ADCY9: variants seen among roughly 807,000 people sequenced by gnomAD.
The protein encoded by ADCY9 is adenylate cyclase type 9.
A neutral mutation model predicts 101.5 loss-of-function variants in ADCY9; 50 were observed. That is an observed-to-expected ratio of 0.49 (90% confidence interval 0.39 to 0.62). ADCY9 has a LOEUF of 0.62. Among genes scored for constraint, ADCY9 ranks in the 20% least tolerant of loss-of-function variants. ADCY9 has a pLI of 0.00. For synonymous variants in ADCY9, 905 were observed against 769.3 expected, an observed-to-expected ratio of 1.18 and a Z score of -2.92; for missense variants, 1,662 against 1,800.4, an observed-to-expected ratio of 0.92 and a Z score of 1.39.
intron 2 of ADCY9, among the ~76,000 whole-genome samples, chr16:4,063,043 A>G (rs1204710405): frequency 6.6e-6 from 1 of 152,222 alleles, no homozygotes; most frequent in Non-Finnish European, 1.5e-5. Context: ...CAAATAGAAT[A>G]TATATTCTTT....
At chr16:4,113,229 G>A (rs1010768800) in intron 2 of ADCY9, among the ~76,000 whole-genome samples, 7 of 151,804 alleles carry the variant, frequency 4.6e-5, no homozygotes, top group South Asian at 2.1e-4. Flanking sequence ...AAGTAACTCC[G>A]TCTAATTCTC....
At chr16:3,986,644 G>A (rs901282953) in intron 6 of ADCY9, among the ~76,000 whole-genome samples, 8 of 152,180 alleles carry the variant, frequency 5.3e-5, no homozygotes, top group African/African-American at 1.4e-4. Flanking sequence ...TTTTAGTAGA[G>A]ACGGGGTTTC....
intron 6 of ADCY9, among the ~76,000 whole-genome samples, chr16:3,985,899 T>C (rs1260880527): frequency 2.6e-5 from 4 of 151,936 alleles, no homozygotes; most frequent in Non-Finnish European, 4.4e-5. Flanking sequence ...CCCCTGTGCA[T>C]CCCGGGAGTG....
rs530420293 is a variant in ADCY9, at chr16:4,071,332, CAAAAAAAAAAAAAAA to C, written c.1693+42403_1693+42417del. Reference sequence around the variant, plus strand: ...GGCAACAAAAGCGAAACTCAGTCTCCAAAAAAAAAAAAAAAAAAAAAAAAAAAAAAAATCAAAAAA... The same window carrying C: ...GGCAACAAAAGCGAAACTCAGTCTCCAAAAAAAAAAAAAAAAATCAAAAAA... On this transcript the variant is annotated intron_variant, in intron 2 of 10. Coordinates refer to ENST00000294016, the MANE Select transcript of ADCY9 (RefSeq NM_001116.4). Among the ~76,000 whole-genome samples the C allele has an allele frequency of 4.3e-4, 30 of 70,536 alleles. No individual in the cohort carries two copies. The East Asian group carries it at 0.01, about 25-fold the overall frequency. 46.3% of individuals were successfully genotyped at this position (70,536 alleles called of 152,430 possible). A position where few individuals can be genotyped will look rare whatever the true frequency, so the allele number is the denominator to read the frequency against.
intron 10 of ADCY9, among the ~76,000 whole-genome samples, chr16:3,971,491 A>C (rs2056051539): frequency 6.6e-6 from 1 of 152,202 alleles, no homozygotes; most frequent in African/African-American, 2.4e-5. Context: ...CCTGTGCTTC[A>C]CTGACTCATT....
Position 4,115,012 on chromosome 16 carries a change from A to C in ADCY9, c.431T>G (p.Val144Gly), listed in dbSNP as rs760401817. The C allele has an allele frequency of 3.0e-5, 49 of 1,613,996 alleles. No individual in the cohort carries two copies. The highest frequency in any genetic ancestry group is 4.0e-5 in the Non-Finnish European group (47 of 1,180,042). Reference sequence around the variant, plus strand: ...GAAGCACAGCGCGGGGGCGACCATGACGATCAGTCTGGATCTCATGTGGAC... The same window carrying C: ...GAAGCACAGCGCGGGGGCGACCATGCCGATCAGTCTGGATCTCATGTGGAC... ...FAVHMRSRLI[V>G]MVAPALCFLL... Residue 144 changes from valine (V) to glycine (G), a missense_variant, in exon 2 of 11, where the codon GTC (valine) becomes GGC (glycine). By Grantham distance (109) the Val-to-Gly change is moderately radical. This residue lies in a region of ADCY9 where 422 missense variants were observed against 392.0 expected (regional missense o/e 1.08). Coordinates refer to ENST00000294016, the MANE Select transcript of ADCY9 (RefSeq NM_001116.4). The surrounding 1 kb of genome is among the most constrained non-coding windows in gnomAD (Gnocchi z 6.2).
At chr16:4,033,333 A>G (rs1463936258) in intron 2 of ADCY9, among the ~76,000 whole-genome samples, 1 of 152,166 alleles carries the variant, frequency 6.6e-6, no homozygotes, top group Non-Finnish European at 1.5e-5. Context: ...TTCACGTAAT[A>G]CTGCAGAACT....
chr16:4,004,380 A>G (rs1217581502), intron 3 of ADCY9, among the ~76,000 whole-genome samples: 1 of 152,006 alleles, frequency 6.6e-6, no homozygotes, highest in Non-Finnish European at 1.5e-5. Context: ...GTTACAGTAC[A>G]CAGGTTATGT....
intron 2 of ADCY9, among the ~76,000 whole-genome samples, chr16:4,107,563 A>C (rs1298165138): frequency 2.3e-5 from 2 of 87,062 alleles, no homozygotes; most frequent in Non-Finnish European, 5.8e-5. Flanking sequence ...AAAAAAAAAA[A>C]AAAAAAAAAA....
Position 3,965,798 on chromosome 16 carries a change from G to A in ADCY9, c.4039C>T (p.Leu1347Phe), listed in dbSNP as rs1214106113. Residue 1347 changes from leucine to phenylalanine, a missense_variant, in exon 11 of 11, where the codon CTC becomes TTC. By Grantham distance (22) the Leu-to-Phe change is conservative (BLOSUM62 0). Coordinates refer to ENST00000294016, the MANE Select transcript of ADCY9 (RefSeq NM_001116.4). ...GIEEANELTK[L>F]NVSKSV ...CCTCACACACTCTTTGAAACGTTGA[G>A]CTTGGTGAGTTCGTTGGCTTCTTCT... 1.1e-5 allele frequency: 17 copies of A among 1,613,582 alleles called. No individual in the cohort carries two copies. Among genetic ancestry groups the A allele is most frequent in the African/African-American group, 1.3e-5 (1 of 74,832 alleles).
At chr16:3,954,607 G>T (rs959984679) in intron 5 of ADCY9, among the ~76,000 whole-genome samples, 2 of 152,180 alleles carry the variant, frequency 1.3e-5, no homozygotes, top group African/African-American at 4.8e-5. Flanking sequence ...GTCAGAAACG[G>T]AACACGAGGT....
chr16:4,106,495 C>T (rs966401226), intron 2 of ADCY9, among the ~76,000 whole-genome samples: 1 of 152,188 alleles, frequency 6.6e-6, no homozygotes, highest in East Asian at 1.9e-4. Flanking sequence ...TCCAGGGATG[C>T]TAGTTCCTGT....
rs1239757156 is a variant in ADCY9, at chr16:3,964,333, G to A, written c.*1442C>T. 6.6e-6 allele frequency: 1 copy of A among 152,250 alleles called. No individual in the cohort carries two copies. The highest frequency in any genetic ancestry group is 2.4e-5 in the African/African-American group (1 of 41,426). 9.4% of individuals were successfully genotyped at this position (152,250 alleles called of 1,614,324 possible). A position where few individuals can be genotyped will look rare whatever the true frequency, so the allele number is the denominator to read the frequency against. On this transcript the variant is annotated 3_prime_UTR_variant, in exon 11 of 11. Coordinates refer to ENST00000294016, the MANE Select transcript of ADCY9 (RefSeq NM_001116.4). The stretch of plus-strand genomic sequence containing the variant: ...TCCACACAAACTTCAGACTCAATAT[G>A]GCAAAACATAATCAGACAGGACCAG...
intron 2 of ADCY9, among the ~76,000 whole-genome samples, chr16:4,030,878 G>C (rs2056550795): frequency 6.6e-6 from 1 of 152,100 alleles, no homozygotes. Flanking sequence ...TCTGGGTGCT[G>C]GTTTAGTGGA....
chr16:4,095,079 T>G (rs1319441328), intron 2 of ADCY9, among the ~76,000 whole-genome samples: 1 of 150,736 alleles, frequency 6.6e-6, no homozygotes, highest in East Asian at 2.0e-4. Context: ...CTCAGCTCAC[T>G]GCAACCTCTA....
chr16:3,986,451 T>G (rs905139286), intron 6 of ADCY9, among the ~76,000 whole-genome samples: 2 of 151,900 alleles, frequency 1.3e-5, no homozygotes, highest in South Asian at 2.1e-4. Context: ...TACATGTTTG[T>G]TTTTTTTCTT....
chr16:3,978,201 A>G (rs1294135385), intron 8 of ADCY9, among the ~76,000 whole-genome samples: 1 of 152,172 alleles, frequency 6.6e-6, no homozygotes, highest in Non-Finnish European at 1.5e-5. Flanking sequence ...GGGAAATGGC[A>G]CGTGTCTTCG....
At chr16:4,097,308 T>TCAA (rs1205817092) in intron 2 of ADCY9, among the ~76,000 whole-genome samples, 2 of 151,514 alleles carry the variant, frequency 1.3e-5, no homozygotes. Context: ...CTAGAGCCTA[T>TCAA]CAAGACCCTC....
At chr16:4,036,548 C>T (rs1274707594) in intron 2 of ADCY9, among the ~76,000 whole-genome samples, 1 of 149,514 alleles carries the variant, frequency 6.7e-6, no homozygotes, top group Admixed American at 6.7e-5. Context: ...CTGCAACCTC[C>T]GCCTCCCAGG....
Sources: allele counts gnomAD v4.1 joint callset (sites outside exome capture counted in the v4.1 genomes callset), GRCh38; gene constraint gnomAD v4.1.1; regional missense constraint gnomAD v4.1.1; non-coding constraint Gnocchi (gnomAD v3.1); transcripts MANE v1.5; gene names NCBI Gene and HGNC (gene_info 2026-07-23, HGNC 2026-07-21).